Variants in TLE3 observed in about 807,000 individuals in gnomAD.
TLE3 encodes the protein TLE family member 3, transcriptional corepressor, also known as transducin-like enhancer protein 3.
Under a neutral mutation model 93.0 loss-of-function variants are expected in TLE3, and 14 were observed. The observed-to-expected ratio is 0.15, with a 90% CI of 0.10 to 0.24. TLE3 has a LOEUF of 0.24. TLE3 is among the 10% of genes least tolerant of loss of function. The pLI, the probability that TLE3 is intolerant of heterozygous loss-of-function variation, is 1.00. For missense variants in TLE3, 693 were observed against 1,046.6 expected (o/e 0.66, Z 4.66); for synonymous variants, 451 against 425.0 (o/e 1.06, Z -0.75).
chr15:70,097,107 G>A lies in TLE3; in HGVS notation c.-309C>T. On this transcript the variant is annotated 5_prime_UTR_variant, in exon 1 of 20. The change creates a new upstream start codon in the 5' untranslated region. Transcript: ENST00000451782. ...GCCTTCCCTGGGCTGCGTCGAGCGC[G>A]TCAATGCCTGGGACTGCGCGGACAT... The A allele has an allele frequency of 2.1e-6, 1 of 465,308 alleles. No individual in the cohort carries two copies. The highest frequency in any genetic ancestry group is 3.7e-6 in the Non-Finnish European group (1 of 270,470). 28.8% of individuals were successfully genotyped at this position (465,308 alleles called of 1,614,324 possible).
chr15:70,091,090 T>C (rs2058286249), intron 4 of TLE3, among the ~76,000 whole-genome samples: 1 of 152,254 alleles, frequency 6.6e-6, no homozygotes, highest in African/African-American at 2.4e-5. Context: ...TAAGCTTCCC[T>C]TCTCTGGGCC....
Position 70,058,658 on chromosome 15 carries a change from C to T in TLE3, c.918+5G>A. Reference sequence around the variant, plus strand: ...CCCACTCCCTTCCACCCAGACCCCACATACATGACCAAGGTCTTTGGTCTT... The same window carrying T: ...CCCACTCCCTTCCACCCAGACCCCATATACATGACCAAGGTCTTTGGTCTT... On this transcript the variant is annotated splice_donor_5th_base_variant and intron_variant, in intron 11 of 19. Coordinates refer to ENST00000451782, the MANE Select transcript of TLE3 (RefSeq NM_001105192.3). This position sits in a 1 kb window ranked among gnomAD's most constrained non-coding sequence, Gnocchi z 4.1. The T allele has an allele frequency of 6.3e-7, 1 of 1,589,228 alleles. No homozygotes were observed. The highest frequency in any genetic ancestry group is 8.6e-7 in the Non-Finnish European group (1 of 1,167,152).
intron 6 of TLE3, among the ~76,000 whole-genome samples, chr15:70,068,787 C>A (rs1465884014): frequency 2.6e-5 from 4 of 152,214 alleles, no homozygotes; most frequent in Admixed American, 2.6e-4. Flanking sequence ...TCCTACCCAA[C>A]CTTCTAGGCT....
At chr15:70,062,165 A>G (rs565522112) in intron 8 of TLE3, among the ~76,000 whole-genome samples, 11 of 152,356 alleles carry the variant, frequency 7.2e-5, no homozygotes, top group Admixed American at 4.6e-4. Flanking sequence ...CCTTGAAGAA[A>G]AAATGGAGGT....
intron 4 of TLE3, among the ~76,000 whole-genome samples, chr15:70,089,149 A>C (rs1450454287): frequency 6.6e-6 from 1 of 152,128 alleles, no homozygotes; most frequent in Non-Finnish European, 1.5e-5. Flanking sequence ...TCGGCTGCCG[A>C]CTTCTGCCTC....
chr15:70,049,236 C>G lies in TLE3; in HGVS notation c.*861G>C, dbSNP rs898240154. On this transcript the variant is annotated 3_prime_UTR_variant, in exon 20 of 20. Transcript: ENST00000451782. ...AGGGAGAGACCAAGAAAGAGAGACA[C>G]AGAGAGGGCAAGAGGCAGCCAGAGT... 1 of 152,400 alleles carries G rather than the reference C, an allele frequency of 6.6e-6. No individual in the cohort carries two copies. Among genetic ancestry groups the G allele is most frequent in the Admixed American group, 6.5e-5 (1 of 15,294 alleles). The allele number at this position is 152,400 out of a possible 1,614,324, so 9.4% of individuals were successfully genotyped here.
intron 8 of TLE3, among the ~76,000 whole-genome samples, chr15:70,060,975 G>C (rs1413769869): frequency 6.6e-6 from 1 of 152,202 alleles, no homozygotes; most frequent in East Asian, 1.9e-4. Flanking sequence ...AGGGTCACCT[G>C]GGTCTCATTC....
At position 70,076,062 on chromosome 15, in the gene TLE3, A is replaced by G. The variant is rs768482067; in HGVS notation, c.297+34T>C. ...CCACCAGCCACTGGGCTGATTTGGA[A>G]AGAAAAGGAAGAAATAATAAAAGAA... On this transcript the variant is annotated intron_variant, in intron 5 of 19. Coordinates refer to ENST00000451782, the MANE Select transcript of TLE3 (RefSeq NM_001105192.3). The G allele has an allele frequency of 9.9e-6, 16 of 1,608,172 alleles. No homozygotes were observed. The East Asian group carries it at 3.6e-4, about 36-fold the overall frequency.
chr15:70,093,287 A>T (rs575828495), intron 4 of TLE3, among the ~76,000 whole-genome samples: 1 of 152,208 alleles, frequency 6.6e-6, no homozygotes, highest in Non-Finnish European at 1.5e-5. Flanking sequence ...CCCTTCACCC[A>T]ACACTGGGGG....
chr15:70,054,601 T>C lies in TLE3; in HGVS notation c.1663A>G (p.Ile555Val), dbSNP rs1323461192. Reference protein sequence around the residue: ...IVGGEASTLTIWDLASPTPRI... With the variant: ...IVGGEASTLTVWDLASPTPRI... Reference sequence around the variant, plus strand: ...GGCGTGGGCGAGGCCAGGTCCCAGATGGTGAGCGTGCTGGCCTCGCCGCCC... The same window carrying C: ...GGCGTGGGCGAGGCCAGGTCCCAGACGGTGAGCGTGCTGGCCTCGCCGCCC... Residue 555 changes from isoleucine (I) to valine (V), a missense_variant, in exon 16 of 20, where the codon ATC (isoleucine) becomes GTC (valine). This residue lies in a region of TLE3 where 153 missense variants were observed against 379.9 expected (regional missense o/e 0.40). Coordinates refer to ENST00000451782, the MANE Select transcript of TLE3 (RefSeq NM_001105192.3). 3.1e-6 allele frequency: 5 copies of C among 1,613,210 alleles called. No homozygotes were observed. Among genetic ancestry groups the C allele is most frequent in the Non-Finnish European group, 4.2e-6 (5 of 1,179,608 alleles).
chr15:70,060,291 C>G (rs75546260), intron 9 of TLE3, among the ~76,000 whole-genome samples: 3,235 of 152,206 alleles, frequency 0.021, 128 homozygotes, highest in African/African-American at 0.074. Flanking sequence ...CCCATGGAGG[C>G]TAGGACGACC....
intron 5 of TLE3, 91 bp downstream of exon 5, chr15:70,076,005 G>T: frequency 1.7e-6 from 2 of 1,211,372 alleles, no homozygotes; most frequent in Non-Finnish European, 2.4e-6. Context: ...TGAGGCTGGG[G>T]CTGGGGCTGG....
intron 4 of TLE3, among the ~76,000 whole-genome samples, chr15:70,088,871 G>GGCCCCC (rs1242707362): frequency 5.3e-5 from 8 of 152,134 alleles, no homozygotes; most frequent in Middle Eastern, 3.2e-3. Flanking sequence ...GCCCAGAGCG[G>GGCCCCC]GCCCCCGCCC....
At position 70,058,025 on chromosome 15, in the gene TLE3, A is replaced by G; in HGVS notation, c.1051+134T>C. The G allele has an allele frequency of 2.2e-6, 3 of 1,382,202 alleles. No homozygotes were observed. The highest frequency in any genetic ancestry group is 2.9e-5 in the African/African-American group (2 of 68,938). 85.6% of individuals were successfully genotyped at this position (1,382,202 alleles called of 1,614,324 possible). ...GTCACCTCCTCAAATCTGACCGTGA[A>G]GTCCCCAGGGGCAGGCCCTGGGAGA... On this transcript the variant is annotated intron_variant, in intron 12 of 19. Transcript: ENST00000451782. This position sits in a 1 kb window ranked among gnomAD's most constrained non-coding sequence, Gnocchi z 4.1.
chr15:70,068,830 G>T (rs2056972565), intron 6 of TLE3, among the ~76,000 whole-genome samples: 1 of 152,166 alleles, frequency 6.6e-6, no homozygotes, highest in South Asian at 2.1e-4. Flanking sequence ...CATATCCTCT[G>T]AATGCCCTCC....
intron 7 of TLE3, 30 bp downstream of exon 7, chr15:70,065,984 G>GCCCCCCCCCCCCCCCCCCCCAGGCCCC: frequency 1.3e-6 from 1 of 768,878 alleles, no homozygotes; most frequent in Non-Finnish European, 2.1e-6. Flanking sequence ...CCCCTGCCCC[G>GCCCCCCCCCCCCCCCCCCCCAGGCCCC]CCCCACCCTC....
intron 4 of TLE3, among the ~76,000 whole-genome samples, chr15:70,082,265 C>G (rs1302219335): frequency 6.6e-6 from 1 of 151,824 alleles, no homozygotes; most frequent in Non-Finnish European, 1.5e-5. Flanking sequence ...CTCCTTAGGC[C>G]GAGCTCAGAG....
intron 6 of TLE3, among the ~76,000 whole-genome samples, chr15:70,067,559 A>G (rs1009402856): frequency 4.6e-5 from 7 of 152,222 alleles, no homozygotes; most frequent in South Asian, 2.1e-4. Flanking sequence ...GCCATAGAGA[A>G]TAGATCTGAG....
chr15:70,053,318 G>C lies in TLE3; in HGVS notation c.1883C>G (p.Thr628Ser), dbSNP rs1260680280. 1 of 1,609,188 alleles carries C rather than the reference G, an allele frequency of 6.2e-7. No individual in the cohort carries two copies. The highest frequency in any genetic ancestry group is 1.7e-4 in the Middle Eastern group (1 of 6,054). ...ASCIDISHDGTKLWTGGLDNT... is the reference protein window; with the variant it reads ...ASCIDISHDGSKLWTGGLDNT... ...GTCCAGGCCCCCTGTCCACAGTTTG[G>C]TGCCATCATGGGAGATGTCTATGCA... The change falls in exon 17 of 20, where the codon ACC becomes AGC. Residue 628 changes from threonine to serine, a missense_variant. By Grantham distance (58) the Thr-to-Ser change is moderately conservative (BLOSUM62 1). Coordinates refer to ENST00000451782, the MANE Select transcript of TLE3 (RefSeq NM_001105192.3).
Sources: allele counts gnomAD v4.1 joint callset (sites outside exome capture counted in the v4.1 genomes callset), GRCh38; gene constraint gnomAD v4.1.1; regional missense constraint gnomAD v4.1.1; non-coding constraint Gnocchi (gnomAD v3.1); transcripts MANE v1.5; gene names NCBI Gene and HGNC (gene_info 2026-07-23, HGNC 2026-07-21).